Variants in REXO1 observed in about 807,000 individuals in gnomAD.
REXO1 encodes REX1, RNA exonuclease 1 homolog.
REXO1 carries 42 observed loss-of-function variants against 102.6 expected under a neutral mutation model. The ratio of observed to expected loss-of-function variants is 0.41; its 90% CI spans 0.32 to 0.53. REXO1 has a LOEUF of 0.53. REXO1 is among the 20% of genes least tolerant of loss of function. REXO1 has a pLI of 0.27. For synonymous variants in REXO1, 908 were observed against 779.1 expected, an observed-to-expected ratio of 1.17 and a Z score of -2.76; for missense variants, 1,819 against 1,732.5, an observed-to-expected ratio of 1.05 and a Z score of -0.89.
rs879840964 is a variant in REXO1, at chr19:1,827,145, C to G, written c.1644G>C (p.Ser548=). Residue 548 remains serine (S), a synonymous_variant, in exon 2 of 16, where the codon TCG becomes TCC. Coordinates refer to ENST00000170168, the MANE Select transcript of REXO1 (RefSeq NM_020695.4). ...VWPSALPSLS[S]DSDSDSDSSL... ...TGGAGTCTGAGTCGGAGTCTGAGTC[C>G]GAGCTGAGGCTGGGGAGGGCAGAGG... 3.2e-6 allele frequency: 5 copies of G among 1,542,192 alleles called. No homozygotes were observed. The Admixed American group carries it at 9.8e-5, about 30-fold the overall frequency.
chr19:1,832,267 C>T (rs2069927249), intron 1 of REXO1, among the ~76,000 whole-genome samples: 1 of 152,204 alleles, frequency 6.6e-6, no homozygotes, highest in Non-Finnish European at 1.5e-5. Flanking sequence ...CAGTCCTGCC[C>T]ACAGCTTGAC....
chr19:1,818,112 C>A (rs116451448), intron 10 of REXO1, among the ~76,000 whole-genome samples: 1 of 152,130 alleles, frequency 6.6e-6, no homozygotes, highest in Non-Finnish European at 1.5e-5. Flanking sequence ...AGCGTGGCTG[C>A]GTGGTTGCCT....
In REXO1 at chr19:1,819,083, C is replaced by G. The variant is rs2069456207; in HGVS notation, c.2699G>C (p.Arg900Thr). 6.3e-7 allele frequency: 1 copy of G among 1,599,468 alleles called. No individual in the cohort carries two copies. Among genetic ancestry groups the G allele is most frequent in the Non-Finnish European group, 8.5e-7 (1 of 1,172,348 alleles). Residue 900 changes from arginine to threonine, a missense_variant, in exon 8 of 16, where the codon AGG becomes ACG. Arg to Thr is a moderately conservative substitution (Grantham distance 71). Coordinates refer to ENST00000170168, the MANE Select transcript of REXO1 (RefSeq NM_020695.4). ...CGAGAAGCTGGTCTTGGCGGCCAACCTGCCCCCCAACACCACCTCGTGGGA... is the reference window on the plus strand; with the variant it reads ...CGAGAAGCTGGTCTTGGCGGCCAACGTGCCCCCCAACACCACCTCGTGGGA... ...VVSHEVVLGG[R>T]LAAKTSFSLS...
chr19:1,823,718 T>G lies in REXO1; in HGVS notation c.2084A>C (p.Tyr695Ser), dbSNP rs1599134295. Residue 695 changes from tyrosine (Y) to serine (S), a missense_variant, in exon 4 of 16, where the codon TAC becomes TCC. Coordinates refer to ENST00000170168, the MANE Select transcript of REXO1 (RefSeq NM_020695.4). ...ARPPTAQEVC[Y>S]LRAQQAQRAS... is the part of the protein sequence containing the mutation. ...CCTCTGCGCCTGCTGGGCCCGCAGG[T>G]AGCACACCTCCTGCGCCGTCGGGGG... is the stretch of plus-strand genomic sequence containing the variant. The G allele has an allele frequency of 7.9e-7, 1 of 1,272,872 alleles. No individual in the cohort carries two copies. The highest frequency in any genetic ancestry group is 1.0e-6 in the Non-Finnish European group (1 of 1,002,096). The allele number at this position is 1,272,872 out of a possible 1,614,324, so 78.8% of individuals were successfully genotyped here.
In REXO1 at chr19:1,827,098, T is replaced by G. The variant is rs1264882041; in HGVS notation, c.1691A>C (p.Gln564Pro). 3.2e-6 allele frequency: 5 copies of G among 1,541,180 alleles called. No homozygotes were observed. The highest frequency in any genetic ancestry group is 3.9e-5 in the Admixed American group (2 of 50,842). Residue 564 changes from glutamine to proline, a missense_variant, in exon 2 of 16, where the codon CAG becomes CCG. By Grantham distance (76) the Gln-to-Pro change is moderately conservative (BLOSUM62 -1). Coordinates refer to ENST00000170168, the MANE Select transcript of REXO1 (RefSeq NM_020695.4). ...GGCCTTGAGCCGCTTGGGCGGCCCC[T>G]GCGCCTCCGGGAAGCCCAGGCTGGA... is the stretch of plus-strand genomic sequence containing the variant. ...SDSSLGFPEA[Q>P]GPPKRLKASP...
At position 1,839,806 on chromosome 19, in the gene REXO1, T is replaced by C. The variant is rs2011208331; in HGVS notation, c.157+8396A>G. Among the ~76,000 whole-genome samples, 18 of 152,316 alleles carry C rather than the reference T, an allele frequency of 1.2e-4. No homozygotes were observed. The South Asian group carries it at 3.5e-3, about 30-fold the overall frequency. ...CCTGCAGAAGCAGCAGTGCCTGGCATAGTGCCTGGGATACAGAGGTGGAAG... is the reference window on the plus strand; with the variant it reads ...CCTGCAGAAGCAGCAGTGCCTGGCACAGTGCCTGGGATACAGAGGTGGAAG... On this transcript the variant is annotated intron_variant, in intron 1 of 15. Coordinates refer to ENST00000170168, the MANE Select transcript of REXO1 (RefSeq NM_020695.4).
intron 1 of REXO1, among the ~76,000 whole-genome samples, chr19:1,847,575 A>G (rs1186928477): frequency 6.6e-6 from 1 of 152,192 alleles, no homozygotes; most frequent in African/African-American, 2.4e-5. Flanking sequence ...AACCACCATG[A>G]CGCTGTGAGG....
At chr19:1,816,671 C>G (rs1232529623) in intron 13 of REXO1, 27 bp downstream of exon 13, 1 of 1,608,752 alleles carries the variant, frequency 6.2e-7, no homozygotes, top group African/African-American at 1.3e-5. Flanking sequence ...GGGAGGGCTC[C>G]CAGCTCGTGG....
rs182180858 is a variant in REXO1 at position 1,816,520 on chromosome 19, G to A, written c.3367C>T (p.Arg1123Cys). 26 of 1,612,084 alleles carry A rather than the reference G, an allele frequency of 1.6e-5. No individual in the cohort carries two copies. In the Admixed American group the frequency reaches 1.8e-4, roughly 11 times the overall value. ...CTCAGCAGAACGGCCTGGACGTCAC[G>A]CAGCGTGACACTTGTGTCGGCAAGG... is the stretch of plus-strand genomic sequence containing the variant. Reference protein sequence around the residue: ...ADLADTSVTLRDVQAVLLSMF... With the variant: ...ADLADTSVTLCDVQAVLLSMF... Residue 1123 changes from arginine (R) to cysteine (C), a missense_variant, in exon 14 of 16, where the codon CGT becomes TGT. By Grantham distance (180) the Arg-to-Cys change is radical. Transcript: ENST00000170168.
intron 7 of REXO1, among the ~76,000 whole-genome samples, chr19:1,819,442 G>GGC (rs138835836): frequency 0.067 from 10,160 of 152,218 alleles, 628 homozygotes; most frequent in African/African-American, 0.16. Flanking sequence ...GGGATCTAAT[G>GGC]GCTTTCGAGG....
At position 1,827,640 on chromosome 19, in the gene REXO1, G is replaced by A. The variant is rs753934835; in HGVS notation, c.1149C>T (p.Ala383=). ...EGKPKKKKTG[A]PPAPSCKDGA... ...CGTCTTTGCAGCTGGGGGCAGGTGG[G>A]GCCCCGGTTTTTTTCTTCTTGGGTT... The change falls in exon 2 of 16, where the codon GCC becomes GCT. Residue 383 remains alanine (A), a synonymous_variant. Transcript: ENST00000170168. 3 of 1,571,262 alleles carry A rather than the reference G, an allele frequency of 1.9e-6. No homozygotes were observed. In the Admixed American group the frequency reaches 6.3e-5, roughly 33 times the overall value.
At position 1,826,881 on chromosome 19, in the gene REXO1, C is replaced by A. The variant is rs2069740665; in HGVS notation, c.1908G>T (p.Arg636=). The change falls in exon 2 of 16, where the codon CGG becomes CGT. Residue 636 remains arginine, a synonymous_variant. Transcript: ENST00000170168. The surrounding 1 kb of genome is among the most constrained non-coding windows in gnomAD (Gnocchi z 4.3). ...VKTEDRGRLA[R]QPPKEEKSEE... ...CCCCAGCACCCGCGCGCCTCACCTGCCGGGCCAGCCGGCCTCTGTCCTCCG... is the reference window on the plus strand; with the variant it reads ...CCCCAGCACCCGCGCGCCTCACCTGACGGGCCAGCCGGCCTCTGTCCTCCG... The A allele has an allele frequency of 6.4e-7, 1 of 1,573,686 alleles. No individual in the cohort carries two copies. The highest frequency in any genetic ancestry group is 8.6e-7 in the Non-Finnish European group (1 of 1,160,978).
intron 1 of REXO1, among the ~76,000 whole-genome samples, chr19:1,832,293 C>G (rs1343665311): frequency 6.6e-6 from 1 of 152,232 alleles, no homozygotes; most frequent in Non-Finnish European, 1.5e-5. Context: ...CCCAGCGAGG[C>G]TGACTTTGGA....
At position 1,828,018 on chromosome 19, in the gene REXO1, C is replaced by T; in HGVS notation, c.771G>A (p.Lys257=). 1 of 1,612,678 alleles carries T rather than the reference C, an allele frequency of 6.2e-7. No individual in the cohort carries two copies. The highest frequency in any genetic ancestry group is 8.5e-7 in the Non-Finnish European group (1 of 1,179,576). The change falls in exon 2 of 16, where the codon AAG becomes AAA. Residue 257 remains lysine (K), a synonymous_variant. Coordinates refer to ENST00000170168, the MANE Select transcript of REXO1 (RefSeq NM_020695.4). ...RASSRDERAA[K]RPRGSRGSEP... is the part of the protein sequence containing the mutation. ...CACTGCCGCGGGAGCCCCGGGGCCG[C>T]TTGGCGGCCCGCTCATCCCGGGAGC...
In REXO1 at chr19:1,827,352, C is replaced by A; in HGVS notation, c.1437G>T (p.Leu479=). The A allele has an allele frequency of 6.5e-7, 1 of 1,549,052 alleles. No homozygotes were observed. The highest frequency in any genetic ancestry group is 8.7e-7 in the Non-Finnish European group (1 of 1,151,614). ...GGGCCTTGGTGCTCTTCCTGTCGGG[C>A]AGCTGGAGGGGGCGGGGTGGGCCTC... ...AGRGPPRPLQ[L]PDRKSTKAPS... is the part of the protein sequence containing the mutation. Residue 479 remains leucine, a synonymous_variant, in exon 2 of 16, where the codon CTG becomes CTT. Coordinates refer to ENST00000170168, the MANE Select transcript of REXO1 (RefSeq NM_020695.4).
chr19:1,831,071 C>CA (rs1255852403), intron 1 of REXO1, among the ~76,000 whole-genome samples: 1 of 152,160 alleles, frequency 6.6e-6, no homozygotes, highest in East Asian at 1.9e-4. Context: ...AACAAAGGCG[C>CA]ACGGGCCCAC....
rs769303828 is a variant in REXO1 at position 1,828,566 on chromosome 19, G to A, written c.223C>T (p.Leu75=). 2.5e-6 allele frequency: 4 copies of A among 1,604,172 alleles called. No homozygotes were observed. The Admixed American group carries it at 6.7e-5, about 27-fold the overall frequency. Residue 75 remains leucine, a synonymous_variant, in exon 2 of 16, where the codon CTG becomes TTG. Coordinates refer to ENST00000170168, the MANE Select transcript of REXO1 (RefSeq NM_020695.4). ...KPPAQRENGT[L]GLGEEPRPDV... ...GGGCGCGGCTCCTCCCCCAGGCCCA[G>A]GGTGCCATTCTCCCTCTGCGCGGGG...
intron 9 of REXO1, 42 bp from the exon 10 acceptor site, chr19:1,818,637 G>C: frequency 6.2e-7 from 1 of 1,607,956 alleles, no homozygotes; most frequent in Non-Finnish European, 8.5e-7. Flanking sequence ...CTCACGCTGG[G>C]GCCCGCATGC....
intron 1 of REXO1, among the ~76,000 whole-genome samples, chr19:1,840,116 G>T (rs2011217248): frequency 6.6e-6 from 1 of 152,270 alleles, no homozygotes; most frequent in East Asian, 1.9e-4. Flanking sequence ...CACAGGGCGG[G>T]GATACGCCTG....
Sources: allele counts gnomAD v4.1 joint callset (sites outside exome capture counted in the v4.1 genomes callset), GRCh38; gene constraint gnomAD v4.1.1; non-coding constraint Gnocchi (gnomAD v3.1); transcripts MANE v1.5; gene names NCBI Gene and HGNC (gene_info 2026-07-23, HGNC 2026-07-21).